The following RFX2 variants were observed in gnomAD, a reference collection of about 807,000 sequenced individuals.
The protein encoded by RFX2 is regulatory factor X2.
In RFX2, 20 loss-of-function variants were observed where a neutral mutation model predicts 87.8. The ratio of observed to expected loss-of-function variants is 0.23; its 90% CI spans 0.16 to 0.33. The LOEUF (loss-of-function observed/expected upper bound fraction) is 0.33, where lower values mean the gene tolerates loss of function less well. Ranked by LOEUF, RFX2 falls within the 10% of genes least tolerant of loss-of-function variation. The probability of loss-of-function intolerance (pLI) is 1.00; values close to 1 mark genes in which losing one functional copy is unlikely to be tolerated. For synonymous variants in RFX2, 397 were observed against 431.3 expected, an observed-to-expected ratio of 0.92 and a Z score of 0.98; for missense variants, 767 against 1,012.3, an observed-to-expected ratio of 0.76 and a Z score of 3.29.
At chr19:6,046,171 C>T (rs2087187121) in intron 2 of RFX2, among the ~76,000 whole-genome samples, 1 of 152,168 alleles carries the variant, frequency 6.6e-6, no homozygotes, top group African/African-American at 2.4e-5. Flanking sequence ...TATTTCATTC[C>T]ACGGTAGAAA....
At chr19:5,996,487 A>C (rs2086414457) in intron 16 of RFX2, among the ~76,000 whole-genome samples, 1 of 152,236 alleles carries the variant, frequency 6.6e-6, no homozygotes, top group South Asian at 2.1e-4. Flanking sequence ...ATTTCTATGA[A>C]GTGTCCAGGA....
In RFX2 at chr19:5,995,717, G is replaced by A. The variant is rs937331347; in HGVS notation, c.2014-74C>T. 1.1e-5 allele frequency: 15 copies of A among 1,353,604 alleles called. No individual in the cohort carries two copies. In the Admixed American group the frequency reaches 1.2e-4, roughly 11 times the overall value. 83.8% of individuals were successfully genotyped at this position (1,353,604 alleles called of 1,614,324 possible). A position where few individuals can be genotyped will look rare whatever the true frequency, so the allele number is the denominator to read the frequency against. On this transcript the variant is annotated intron_variant, in intron 16 of 17. Coordinates refer to ENST00000303657, the MANE Select transcript of RFX2 (RefSeq NM_000635.4). ...GCTGTTTGGGGGCTCGGGGGATGCC[G>A]GCCCAACCTTGCCTTGAGCCACGTC...
chr19:6,072,901 C>A, intron 1 of RFX2: 1 of 1,059,266 alleles, frequency 9.4e-7, no homozygotes, highest in Non-Finnish European at 1.4e-6. Context: ...CCAGTCAGAC[C>A]AACATGTCAA....
chr19:6,105,284 AC>A (rs1221173492), intron 1 of RFX2, among the ~76,000 whole-genome samples: 1 of 152,104 alleles, frequency 6.6e-6, no homozygotes, highest in Non-Finnish European at 1.5e-5. Context: ...GGCTGAGAGC[AC>A]CCATTCTCAA....
intron 1 of RFX2, among the ~76,000 whole-genome samples, chr19:6,078,993 C>T (rs147254341): frequency 0.014 from 2,115 of 152,330 alleles, 55 homozygotes; most frequent in African/African-American, 0.049. Context: ...CCAGGCTGGT[C>T]TCGAACTCCT....
intron 5 of RFX2, among the ~76,000 whole-genome samples, chr19:6,033,697 C>T (rs921014429): frequency 3.5e-5 from 5 of 144,238 alleles, no homozygotes; most frequent in South Asian, 4.4e-4. Context: ...ACCCATGGAA[C>T]GCATACCACC....
intron 1 of RFX2, among the ~76,000 whole-genome samples, chr19:6,096,208 C>G (rs1455503981): frequency 6.6e-6 from 1 of 152,148 alleles, no homozygotes; most frequent in Non-Finnish European, 1.5e-5. Flanking sequence ...GAATAGGTTC[C>G]TCGAATTTAA....
rs1442298290 is a variant in RFX2 at position 6,078,830 on chromosome 19, G to T, written c.-8-31326C>A. On this transcript the variant is annotated intron_variant, in intron 1 of 17. Transcript: ENST00000303657. ...CTTGCTCTGTCTCCCAGGCTGGGGT[G>T]CAGTGCACAATCTCAGCTCACTGCA... Among the ~76,000 whole-genome samples, 5 of 152,196 alleles carry T rather than the reference G, an allele frequency of 3.3e-5. No individual in the cohort carries two copies. In the East Asian group the frequency reaches 9.6e-4, roughly 29 times the overall value.
intron 13 of RFX2, among the ~76,000 whole-genome samples, chr19:6,003,726 CTGAGA>C (rs1343012242): frequency 2.3e-5 from 3 of 131,478 alleles, no homozygotes; most frequent in Non-Finnish European, 4.6e-5. Flanking sequence ...TTGCAGTGAG[CTGAGA>C]TAACACCATT....
intron 1 of RFX2, among the ~76,000 whole-genome samples, chr19:6,059,771 A>G (rs113298955): frequency 6.6e-6 from 1 of 152,332 alleles, no homozygotes; most frequent in South Asian, 2.1e-4. Context: ...ACATACATGT[A>G]TACACAAAAG....
intron 5 of RFX2, among the ~76,000 whole-genome samples, chr19:6,034,372 G>C (rs1223215858): frequency 1.3e-5 from 2 of 152,046 alleles, no homozygotes; most frequent in African/African-American, 4.8e-5. Context: ...GGGACTACAG[G>C]TGCGCACCAC....
In RFX2 at chr19:6,076,053, C is replaced by T. The variant is rs551010690; in HGVS notation, c.-8-28549G>A. 3.2e-4 allele frequency among the ~76,000 whole-genome samples: 48 copies of T among 152,260 alleles called. 1 individual carries two copies. The highest frequency in any genetic ancestry group is 1.1e-3 in the African/African-American group (44 of 41,564). ...CTTGGTGTTCACAAAAAATTAGAAA[C>T]GAGGTTGGGGGCGGTGGCTCATGCC... On this transcript the variant is annotated intron_variant, in intron 1 of 17. Coordinates refer to ENST00000303657, the MANE Select transcript of RFX2 (RefSeq NM_000635.4).
At chr19:6,060,056 C>T (rs1296283957) in intron 1 of RFX2, among the ~76,000 whole-genome samples, 1 of 152,134 alleles carries the variant, frequency 6.6e-6, no homozygotes, top group Non-Finnish European at 1.5e-5. Context: ...TTGCAAGATT[C>T]CATTCTAAAA....
At chr19:6,036,618 C>T (rs144678395) in intron 5 of RFX2, among the ~76,000 whole-genome samples, 142 of 152,312 alleles carry the variant, frequency 9.3e-4, no homozygotes, top group African/African-American at 3.2e-3. Context: ...ATTATATTAA[C>T]ACCCCAATGA....
At position 6,002,805 on chromosome 19, in the gene RFX2, C is replaced by G. The variant is rs140899437; in HGVS notation, c.1566G>C (p.Gln522His). 1 of 1,613,764 alleles carries G rather than the reference C, an allele frequency of 6.2e-7. No homozygotes were observed. The highest frequency in any genetic ancestry group is 1.1e-5 in the South Asian group (1 of 91,070). ...TGTTCTGCAGCACCGCCCGGGCCGC[C>G]TGCGCCAGGTGGTTGAGGGACGTGT... ...RRYTSLNHLA[Q>H]AARAVLQNTS... Residue 522 changes from glutamine to histidine, a missense_variant, in exon 14 of 18, where the codon CAG becomes CAC. By Grantham distance (24) the Gln-to-His change is conservative (BLOSUM62 0). This residue lies in a region of RFX2 where 621 missense variants were observed against 873.0 expected (regional missense o/e 0.71). Coordinates refer to ENST00000303657, the MANE Select transcript of RFX2 (RefSeq NM_000635.4). The surrounding 1 kb of genome is among the most constrained non-coding windows in gnomAD (Gnocchi z 6.7).
At chr19:6,093,568 GT>G (rs1483448821) in intron 1 of RFX2, among the ~76,000 whole-genome samples, 2 of 152,012 alleles carry the variant, frequency 1.3e-5, no homozygotes, top group African/African-American at 2.4e-5. Flanking sequence ...AAAAGGCTAA[GT>G]AAGTACTTAG....
At chr19:6,031,754 T>C (rs142488122) in intron 5 of RFX2, among the ~76,000 whole-genome samples, 24 of 152,220 alleles carry the variant, frequency 1.6e-4, no homozygotes, top group South Asian at 4.2e-4. Flanking sequence ...CTTAAAAACA[T>C]CTTTTAGAAT....
In RFX2 at chr19:6,001,806, G is replaced by A. The variant is rs958789794; in HGVS notation, c.1859+9C>T. On this transcript the variant is annotated intron_variant, in intron 15 of 17. Coordinates refer to ENST00000303657, the MANE Select transcript of RFX2 (RefSeq NM_000635.4). This position sits in a 1 kb window ranked among gnomAD's most constrained non-coding sequence, Gnocchi z 5.6. ...GCCAGAATTCTCTCGGAGGTCTGGT[G>A]GGACTAACCTGTAAAAGGACCATTT... The A allele has an allele frequency of 4.5e-5, 72 of 1,589,208 alleles. No individual in the cohort carries two copies. Among genetic ancestry groups the A allele is most frequent in the Non-Finnish European group, 6.1e-5 (71 of 1,164,968 alleles).
chr19:6,000,809 G>T (rs1346987148), intron 15 of RFX2, among the ~76,000 whole-genome samples: 1 of 152,252 alleles, frequency 6.6e-6, no homozygotes, highest in Admixed American at 6.5e-5. Context: ...TAATAATACA[G>T]GTGGGGATAA....
Sources: gnomAD v4.1 joint callset for allele counts (sites outside exome capture counted in the v4.1 genomes callset) on GRCh38, gnomAD v4.1.1 for gene constraint, gnomAD v4.1.1 regional missense constraint, Gnocchi (gnomAD v3.1) non-coding constraint, MANE v1.5 for transcripts, NCBI Gene and HGNC (gene_info 2026-07-23, HGNC 2026-07-21) for gene names.